RAP1A: variants seen among roughly 807,000 people sequenced by gnomAD.
The protein encoded by RAP1A is ras-related protein Rap-1A.
In RAP1A, 6 loss-of-function variants were observed where a neutral mutation model predicts 26.4. The observed-to-expected ratio is 0.23, with a 90% CI of 0.12 to 0.45. The LOEUF (loss-of-function observed/expected upper bound fraction) is 0.45, where lower values mean the gene tolerates loss of function less well. RAP1A is among the 20% of genes least tolerant of loss of function. RAP1A has a pLI of 0.99. For missense variants in RAP1A, 121 were observed against 217.2 expected, an observed-to-expected ratio of 0.56 and a Z score of 2.78; for synonymous variants, 73 against 79.4, an observed-to-expected ratio of 0.92 and a Z score of 0.43.
rs1160986378 is a variant in RAP1A at position 111,697,504 on chromosome 1, A to C, written c.183+7A>C. ...CCTGGATACTGCAGGGACAGTAAGG[A>C]TGTTTTCTCTTTTTTTGATAGATTT... On this transcript the variant is annotated splice_region_variant and intron_variant, in intron 4 of 7. Coordinates refer to ENST00000369709, the MANE Select transcript of RAP1A (RefSeq NM_002884.4). 1 of 1,610,004 alleles carries C rather than the reference A, an allele frequency of 6.2e-7. No homozygotes were observed. Among genetic ancestry groups the C allele is most frequent in the Admixed American group, 1.7e-5 (1 of 59,496 alleles).
chr1:111,617,147 G>A (rs1277097584), upstream of RAP1A, among the ~76,000 whole-genome samples: 2 of 152,166 alleles, frequency 1.3e-5, no homozygotes, highest in African/African-American at 4.8e-5. Context: ...CCTCCAGGCT[G>A]ATGTGACCCC....
intron 6 of RAP1A, 50 bp from the exon 7 acceptor site, chr1:111,709,099 A>C: frequency 6.4e-7 from 1 of 1,570,052 alleles, no homozygotes; most frequent in South Asian, 1.2e-5. Flanking sequence ...TTGTGGAACA[A>C]AGTCTCAAAA....
intron 1 of RAP1A, among the ~76,000 whole-genome samples, chr1:111,637,678 C>G (rs1659766907): frequency 6.6e-6 from 1 of 152,136 alleles, no homozygotes; most frequent in Non-Finnish European, 1.5e-5. Flanking sequence ...CATAATACTT[C>G]ATGCTCCTGT....
chr1:111,661,019 C>T (rs1334755513), intron 1 of RAP1A, among the ~76,000 whole-genome samples: 2 of 152,208 alleles, frequency 1.3e-5, no homozygotes, highest in African/African-American at 4.8e-5. Flanking sequence ...TTTTCTGGAA[C>T]ACTTTACCAG....
chr1:111,691,396 A>C lies in RAP1A; in HGVS notation c.36A>C (p.Gly12=). ...ACAAGCTAGTGGTCCTTGGTTCAGGAGGCGTTGGGAAGTCTGCTCTGGTAA... is the reference window on the plus strand; with the variant it reads ...ACAAGCTAGTGGTCCTTGGTTCAGGCGGCGTTGGGAAGTCTGCTCTGGTAA... ...REYKLVVLGS[G]GVGKSALTVQ... The change falls in exon 2 of 8, where the codon GGA becomes GGC. Residue 12 remains glycine, a synonymous_variant. Transcript: ENST00000369709. 6.2e-7 allele frequency: 1 copy of C among 1,613,530 alleles called. No individual in the cohort carries two copies. Among genetic ancestry groups the C allele is most frequent in the Non-Finnish European group, 8.5e-7 (1 of 1,179,484 alleles).
chr1:111,576,632 T>C (rs1658151648), intron 1 of RAP1A, among the ~76,000 whole-genome samples: 1 of 152,224 alleles, frequency 6.6e-6, no homozygotes, highest in Non-Finnish European at 1.5e-5. Flanking sequence ...GCTGCTCCTC[T>C]GGAAGGGTGA....
intron 1 of RAP1A, among the ~76,000 whole-genome samples, chr1:111,687,934 G>A (rs376900989): frequency 6.7e-6 from 1 of 149,482 alleles, no homozygotes; most frequent in Non-Finnish European, 1.5e-5. Context: ...GGAGGATTGC[G>A]TGAGCCTAGG....
At chr1:111,612,426 G>T (rs59007447) in intron 1 of RAP1A, among the ~76,000 whole-genome samples, 15,131 of 152,150 alleles carry the variant, frequency 0.099, 1,145 homozygotes, top group African/African-American at 0.22. Context: ...AAAGTCTGTT[G>T]AATAAAACAT....
intron 1 of RAP1A, among the ~76,000 whole-genome samples, chr1:111,688,796 GTTTTTGTTTTTGTT>G (rs1218290160): frequency 2.9e-5 from 4 of 139,922 alleles, no homozygotes; most frequent in South Asian, 2.3e-4. Context: ...GTGTAGATGG[GTTTTTGTTTTTGTT>G]TTTTTTTTTT....
intron 1 of RAP1A, among the ~76,000 whole-genome samples, chr1:111,593,011 G>C (rs1360224737): frequency 6.6e-6 from 1 of 152,154 alleles, no homozygotes. Flanking sequence ...TGCCCAGAGA[G>C]AGGGAGAGAG....
intron 1 of RAP1A, among the ~76,000 whole-genome samples, chr1:111,550,040 TTGAG>T (rs1657199003): frequency 6.6e-6 from 1 of 152,214 alleles, no homozygotes; most frequent in Non-Finnish European, 1.5e-5. Flanking sequence ...CTAGTCTTTC[TTGAG>T]TGAGTTTTAG....
chr1:111,576,045 A>G (rs1203253983), intron 1 of RAP1A, among the ~76,000 whole-genome samples: 1 of 152,232 alleles, frequency 6.6e-6, no homozygotes, highest in Non-Finnish European at 1.5e-5. Flanking sequence ...CCTGCATACT[A>G]TTCTCTGCAC....
intron 1 of RAP1A, among the ~76,000 whole-genome samples, chr1:111,555,276 G>T (rs923602060): frequency 7.4e-5 from 10 of 135,848 alleles, no homozygotes; most frequent in African/African-American, 2.8e-4. Context: ...TGAGGCACAA[G>T]AATTGCTTGA....
rs533026785 is a variant in RAP1A at position 111,628,239 on chromosome 1, T to C, written c.-28+8305T>C. ...CCAGTCTCCTCAAGGGCAAGAAATA[T>C]CTCATTTTTGTGTTTCTGTTTACAT... On this transcript the variant is annotated intron_variant, in intron 1 of 7. Transcript: ENST00000369709. Among the ~76,000 whole-genome samples, 4 of 152,228 alleles carry C rather than the reference T, an allele frequency of 2.6e-5. No homozygotes were observed. In the South Asian group the frequency reaches 8.3e-4, roughly 31 times the overall value.
chr1:111,593,692 A>G (rs1020524522), intron 1 of RAP1A, among the ~76,000 whole-genome samples: 1 of 120,346 alleles, frequency 8.3e-6, no homozygotes, highest in Non-Finnish European at 1.7e-5. Flanking sequence ...CTTTCTAAGT[A>G]AAAAAGGAGT....
chr1:111,675,053 A>G (rs1489151742), intron 1 of RAP1A, among the ~76,000 whole-genome samples: 1 of 151,686 alleles, frequency 6.6e-6, no homozygotes, highest in Non-Finnish European at 1.5e-5. Flanking sequence ...GTATCCCTGG[A>G]TCTTTTGTAT....
At chr1:111,607,426 C>A (rs61788234) in intron 1 of RAP1A, among the ~76,000 whole-genome samples, 3 of 152,116 alleles carry the variant, frequency 2.0e-5, no homozygotes, top group African/African-American at 4.8e-5. Context: ...TACACAGACA[C>A]GGCAACCATC....
intron 1 of RAP1A, among the ~76,000 whole-genome samples, chr1:111,679,381 G>GCA (rs1661223905): frequency 1.3e-5 from 2 of 152,228 alleles, no homozygotes; most frequent in African/African-American, 4.8e-5. Context: ...ATTTCCCACA[G>GCA]TTTTTGCAAC....
intron 1 of RAP1A, among the ~76,000 whole-genome samples, chr1:111,585,337 G>A (rs1658343878): frequency 1.3e-5 from 2 of 152,200 alleles, no homozygotes; most frequent in Admixed American, 1.3e-4. Flanking sequence ...AAGGTACACT[G>A]AGAGAGTATG....
Sources: allele counts gnomAD v4.1 joint callset (sites outside exome capture counted in the v4.1 genomes callset), GRCh38; gene constraint gnomAD v4.1.1; transcripts MANE v1.5; gene names NCBI Gene and HGNC (gene_info 2026-07-23, HGNC 2026-07-21).